The following BCAT1 variants were observed in gnomAD, a reference collection of about 807,000 sequenced individuals.
The protein encoded by BCAT1 is branched-chain-amino-acid aminotransferase, cytosolic.
BCAT1 carries 48 observed loss-of-function variants against 52.4 expected under a neutral mutation model. The ratio of observed to expected loss-of-function variants is 0.92; its 90% CI spans 0.73 to 1.16. BCAT1 has a LOEUF of 1.16. Ranked by LOEUF, BCAT1 falls within the 50% of genes most tolerant of loss-of-function variation. BCAT1 has a pLI of 0.00. For synonymous variants in BCAT1, 167 were observed against 161.3 expected, an observed-to-expected ratio of 1.04 and a Z score of -0.27; for missense variants, 451 against 457.1, an observed-to-expected ratio of 0.99 and a Z score of 0.12.
chr12:24,897,764 G>T (rs1338866275), intron 2 of BCAT1, among the ~76,000 whole-genome samples: 1 of 152,150 alleles, frequency 6.6e-6, no homozygotes. Context: ...ATGTTGACCA[G>T]GCTGGTCTCG....
intron 1 of BCAT1, among the ~76,000 whole-genome samples, chr12:24,941,913 A>G (rs1943854701): frequency 6.6e-6 from 1 of 152,218 alleles, no homozygotes; most frequent in Non-Finnish European, 1.5e-5. Flanking sequence ...AAATGCAAAT[A>G]TAAGAACACA....
At chr12:24,893,103 T>C (rs184833217) in intron 3 of BCAT1, among the ~76,000 whole-genome samples, 117 of 152,306 alleles carry the variant, frequency 7.7e-4, no homozygotes, top group African/African-American at 2.7e-3. Context: ...TTTTGGTGTA[T>C]ACATGTAGGG....
chr12:24,855,433 T>C (rs1357864293), intron 5 of BCAT1, among the ~76,000 whole-genome samples: 2 of 151,964 alleles, frequency 1.3e-5, no homozygotes, highest in African/African-American at 4.8e-5. Flanking sequence ...CAGGGTGGAG[T>C]GCAGTGGCGC....
rs145025998 is a variant in BCAT1, at chr12:24,890,778, G to A, written c.279+3497C>T. Among the ~76,000 whole-genome samples the A allele has an allele frequency of 5.9e-3, 899 of 152,220 alleles. 4 individuals are homozygous for A. The highest frequency in any genetic ancestry group is 0.02 in the African/African-American group (821 of 41,536). ...TTAAAATAGCCAACCAGCAGCCCTC[G>A]GAGCTCCTCTGTCTACGGAGTAGCC... On this transcript the variant is annotated intron_variant, in intron 3 of 10. Transcript: ENST00000261192.
chr12:24,895,948 G>T (rs1459057346), intron 2 of BCAT1, among the ~76,000 whole-genome samples: 1 of 152,164 alleles, frequency 6.6e-6, no homozygotes, highest in Non-Finnish European at 1.5e-5. Context: ...GTCTAGTAAT[G>T]CTACTTTGTA....
intron 7 of BCAT1, among the ~76,000 whole-genome samples, chr12:24,836,853 A>AAAGG (rs1388945477): frequency 1.1e-4 from 15 of 135,950 alleles, no homozygotes; most frequent in African/African-American, 3.6e-4. Context: ...AGAGAGAAAG[A>AAAGG]AAGGAAGGAA....
At chr12:24,833,246 C>T (rs1048974994) in intron 8 of BCAT1, among the ~76,000 whole-genome samples, 2 of 152,100 alleles carry the variant, frequency 1.3e-5, no homozygotes, top group Admixed American at 6.6e-5. Context: ...AGGCCGGGCA[C>T]GGTGGCTCAT....
At chr12:24,889,055 A>G (rs1274647391) in intron 3 of BCAT1, among the ~76,000 whole-genome samples, 1 of 152,214 alleles carries the variant, frequency 6.6e-6, no homozygotes, top group African/African-American at 2.4e-5. Context: ...CCAACCTGTT[A>G]GCCCTAAGTA....
In BCAT1 at chr12:24,829,866, G is replaced by C; in HGVS notation, c.1076C>G (p.Pro359Arg). The C allele has an allele frequency of 1.2e-6, 2 of 1,611,484 alleles. No individual in the cohort carries two copies. The highest frequency in any genetic ancestry group is 1.7e-6 in the Non-Finnish European group (2 of 1,178,610). The part of the protein sequence containing the change: ...TIHIPTMENG[P>R]KLASRILSKL... ...GCTCAAGATGCGGCTTGCCAGCTTA[G>C]GACCATTCTCCATAGTTGGAATGTG... Residue 359 changes from proline to arginine, a missense_variant, in exon 10 of 11, where the codon CCT (proline) becomes CGT (arginine). Physicochemically the swap from Pro to Arg is moderately radical, Grantham distance 103. Coordinates refer to ENST00000261192, the MANE Select transcript of BCAT1 (RefSeq NM_005504.7).
At position 24,914,303 on chromosome 12, in the gene BCAT1, G is replaced by A. The variant is rs367639576; in HGVS notation, c.7-12418C>T. ...TCACCATGTTGCTCTGGCTGGTCTCGAACTCCTGAGCTCAAGCAATTTGCC... is the reference window on the plus strand; with the variant it reads ...TCACCATGTTGCTCTGGCTGGTCTCAAACTCCTGAGCTCAAGCAATTTGCC... On this transcript the variant is annotated intron_variant, in intron 1 of 10. Transcript: ENST00000261192. Among the ~76,000 whole-genome samples the A allele has an allele frequency of 3.9e-4, 60 of 152,082 alleles. 1 individual carries two copies. The South Asian group carries it at 0.011, about 27-fold the overall frequency.
At chr12:24,904,779 G>A (rs1419983470) in intron 1 of BCAT1, 1 of 152,230 alleles carries the variant, frequency 6.6e-6, no homozygotes, top group Non-Finnish European at 1.5e-5. Context: ...GTTGCTGGGG[G>A]AGGGTTGAGA....
intron 1 of BCAT1, among the ~76,000 whole-genome samples, chr12:24,943,088 C>G (rs1943872082): frequency 6.6e-6 from 1 of 152,218 alleles, no homozygotes; most frequent in Non-Finnish European, 1.5e-5. Context: ...ACCTGTCTTC[C>G]ATGCTATATG....
At chr12:24,892,059 T>TTTTGTTTTGTTTTGTTTTGTTTTG (rs1555112460) in intron 3 of BCAT1, among the ~76,000 whole-genome samples, 2 of 144,434 alleles carry the variant, frequency 1.4e-5, no homozygotes, top group African/African-American at 5.1e-5. Flanking sequence ...GCCTGGCCGT[T>TTTTGTTTTGTTTTGTTTTGTTTTG]TTTTGTTTTG....
At chr12:24,879,588 T>C (rs1942436249) in intron 4 of BCAT1, among the ~76,000 whole-genome samples, 1 of 152,236 alleles carries the variant, frequency 6.6e-6, no homozygotes, top group Non-Finnish European at 1.5e-5. Flanking sequence ...TGTAGTAATG[T>C]TATAGAAATT....
At chr12:24,912,330 C>T (rs112818460) in intron 1 of BCAT1, among the ~76,000 whole-genome samples, 8 of 152,076 alleles carry the variant, frequency 5.3e-5, no homozygotes, top group South Asian at 2.1e-4. Flanking sequence ...CTGTCTAACA[C>T]GGTGAAACCC....
chr12:24,897,298 G>C (rs1196274544), intron 2 of BCAT1, among the ~76,000 whole-genome samples: 2 of 152,168 alleles, frequency 1.3e-5, no homozygotes, highest in Non-Finnish European at 2.9e-5. Flanking sequence ...CACTAATCCA[G>C]AGAGATCAAA....
intron 1 of BCAT1, among the ~76,000 whole-genome samples, chr12:24,933,846 G>A (rs1490397894): frequency 6.6e-6 from 1 of 152,100 alleles, no homozygotes; most frequent in Non-Finnish European, 1.5e-5. Flanking sequence ...TCAGGCTTGA[G>A]GAGGTGGTGT....
intron 3 of BCAT1, 37 bp downstream of exon 3, chr12:24,894,238 G>T: frequency 6.3e-7 from 1 of 1,595,746 alleles, no homozygotes; most frequent in Non-Finnish European, 8.6e-7. Context: ...ACAGTGAAGT[G>T]CAAGCATGTC....
chr12:24,846,957 T>C lies in BCAT1; in HGVS notation c.674+2829A>G, dbSNP rs573941099. 2.0e-5 allele frequency among the ~76,000 whole-genome samples: 3 copies of C among 152,316 alleles called. No homozygotes were observed. The East Asian group carries it at 5.8e-4, about 29-fold the overall frequency. On this transcript the variant is annotated intron_variant, in intron 6 of 10. Coordinates refer to ENST00000261192, the MANE Select transcript of BCAT1 (RefSeq NM_005504.7). Reference sequence around the variant, plus strand: ...GGAGAGAGGATTCAGTTGTAGAAGATCTCACAGATAGTTAAGTGTGTAACT... The same window carrying C: ...GGAGAGAGGATTCAGTTGTAGAAGACCTCACAGATAGTTAAGTGTGTAACT...
Sources: allele counts gnomAD v4.1 joint callset (sites outside exome capture counted in the v4.1 genomes callset), GRCh38; gene constraint gnomAD v4.1.1; transcripts MANE v1.5; gene names NCBI Gene and HGNC (gene_info 2026-07-23, HGNC 2026-07-21).